The following AP1M2 variants were observed in gnomAD, a reference collection of about 807,000 sequenced individuals.
AP1M2 encodes AP-1 complex subunit mu-2.
In AP1M2, 41 loss-of-function variants were observed where a neutral mutation model predicts 54.6. The observed-to-expected ratio is 0.75, with a 90% CI of 0.59 to 0.97. The LOEUF is 0.97. AP1M2 is among the 50% of genes least tolerant of loss of function. The pLI is 0.00. For missense variants in AP1M2, 507 were observed against 561.2 expected (o/e 0.90, Z 0.98); for synonymous variants, 219 against 215.9 (o/e 1.01, Z -0.13).
Position 10,587,264 on chromosome 19 carries a change from G to C in AP1M2, c.-33C>G. On this transcript the variant is annotated 5_prime_UTR_variant, in exon 1 of 12. Coordinates refer to ENST00000250244, the MANE Select transcript of AP1M2 (RefSeq NM_005498.5). The stretch of plus-strand genomic sequence containing the variant: ...GCCGAAGGACTTAGGAGTCGGGGAG[G>C]GAGCGCCGGGAGGCGATGGCGGCGC... 1 of 1,557,248 alleles carries C rather than the reference G, an allele frequency of 6.4e-7. No individual in the cohort carries two copies. Among genetic ancestry groups the C allele is most frequent in the Non-Finnish European group, 8.7e-7 (1 of 1,150,610 alleles).
chr19:10,577,382 C>T (rs944904084), intron 8 of AP1M2, 26 bp from the exon 9 acceptor site: 2 of 1,477,024 alleles, frequency 1.4e-6, no homozygotes, highest in South Asian at 1.2e-5. Flanking sequence ...GCATGGGGCA[C>T]GAAGAATTCG....
At chr19:10,584,654 GGGAAGGAA>G (rs199907734) in intron 1 of AP1M2, among the ~76,000 whole-genome samples, 2 of 139,492 alleles carry the variant, frequency 1.4e-5, no homozygotes, top group Admixed American at 1.7e-4. Context: ...GAGGGTAGGA[GGGAAGGAA>G]GGAAGGAAGG....
Position 10,587,282 on chromosome 19 carries a change from G to A in AP1M2, c.-51C>T. The A allele has an allele frequency of 6.4e-7, 1 of 1,550,476 alleles. No individual in the cohort carries two copies. The highest frequency in any genetic ancestry group is 8.7e-7 in the Non-Finnish European group (1 of 1,145,600). ...CGGGGAGGGAGCGCCGGGAGGCGAT[G>A]GCGGCGCCGCTTCCTTCTTCCTGCG... On this transcript the variant is annotated 5_prime_UTR_variant, in exon 1 of 12. Transcript: ENST00000250244.
chr19:10,580,832 G>A (rs1404312193), intron 6 of AP1M2, among the ~76,000 whole-genome samples: 2 of 151,584 alleles, frequency 1.3e-5, no homozygotes, highest in African/African-American at 4.8e-5. Context: ...GTCCATGCCT[G>A]TAGTCCCAGC....
intron 1 of AP1M2, among the ~76,000 whole-genome samples, chr19:10,586,627 C>T (rs955492112): frequency 2.0e-5 from 3 of 151,604 alleles, no homozygotes; most frequent in Admixed American, 6.6e-5. Flanking sequence ...ACAGCTACTC[C>T]GGAGACTGAG....
chr19:10,586,684 T>C (rs112423039), intron 1 of AP1M2, among the ~76,000 whole-genome samples: 9,802 of 151,540 alleles, frequency 0.065, 339 homozygotes, highest in Middle Eastern at 0.12. Context: ...CAGTGAGCTA[T>C]GATCGCACCA....
intron 8 of AP1M2, among the ~76,000 whole-genome samples, chr19:10,578,165 C>T (rs1385758568): frequency 6.6e-6 from 1 of 152,170 alleles, no homozygotes; most frequent in Non-Finnish European, 1.5e-5. Flanking sequence ...TATCTGCAGG[C>T]AAATGCCTTA....
chr19:10,576,859 A>T (rs1176555086), intron 9 of AP1M2, among the ~76,000 whole-genome samples: 3 of 151,954 alleles, frequency 2.0e-5, no homozygotes, highest in Admixed American at 6.6e-5. Flanking sequence ...GGCATGCGCC[A>T]CCACACCCAG....
chr19:10,585,269 A>AAAG (rs1917597646), intron 1 of AP1M2, among the ~76,000 whole-genome samples: 2 of 104,272 alleles, frequency 1.9e-5, no homozygotes, highest in Non-Finnish European at 4.0e-5. Flanking sequence ...AGAAGGAAAG[A>AAAG]AAGAAAGAAG....
rs910378573 is a variant in AP1M2, at chr19:10,581,898, G to C, written c.268-20C>G. 1 of 1,569,076 alleles carries C rather than the reference G, an allele frequency of 6.4e-7. No individual in the cohort carries two copies. The highest frequency in any genetic ancestry group is 8.6e-7 in the Non-Finnish European group (1 of 1,156,582). ...GAATACCTGGGGGTTGGAGGAGAGA[G>C]AGACCCACAAAAGTGTGGCTATGGG... On this transcript the variant is annotated intron_variant, in intron 3 of 11. Transcript: ENST00000250244.
At position 10,587,251 on chromosome 19, in the gene AP1M2, A is replaced by T. The variant is rs777508421; in HGVS notation, c.-20T>A. The stretch of plus-strand genomic sequence containing the variant: ...GGACATGGTGGCGGCCGAAGGACTT[A>T]GGAGTCGGGGAGGGAGCGCCGGGAG... On this transcript the variant is annotated 5_prime_UTR_variant, in exon 1 of 12. Transcript: ENST00000250244. The T allele has an allele frequency of 3.9e-5, 61 of 1,561,438 alleles. No individual in the cohort carries two copies. The South Asian group carries it at 7.1e-4, about 18-fold the overall frequency.
intron 2 of AP1M2, 94 bp from the exon 3 acceptor site, chr19:10,583,767 C>A: frequency 6.7e-7 from 1 of 1,492,046 alleles, no homozygotes; most frequent in South Asian, 1.2e-5. Context: ...CCACCACCCT[C>A]ATCTCTACCT....
intron 10 of AP1M2, 53 bp downstream of exon 10, chr19:10,574,851 G>T: frequency 6.4e-7 from 1 of 1,557,118 alleles, no homozygotes. Context: ...GGACAGGAGA[G>T]AGGGGAACCC....
intron 1 of AP1M2, among the ~76,000 whole-genome samples, chr19:10,586,673 G>T (rs756346606): frequency 1.3e-5 from 2 of 152,002 alleles, no homozygotes; most frequent in African/African-American, 4.8e-5. Context: ...ATTCCAGGCT[G>T]CAGTGAGCTA....
At chr19:10,575,415 G>A (rs1917198612) in intron 9 of AP1M2, among the ~76,000 whole-genome samples, 1 of 152,000 alleles carries the variant, frequency 6.6e-6, no homozygotes, top group African/African-American at 2.4e-5. Flanking sequence ...CTGTTTTACA[G>A]GCACTGATGA....
At chr19:10,585,286 A>AGAAGGAAGGAAG (rs1917605453) in intron 1 of AP1M2, among the ~76,000 whole-genome samples, 1 of 58,092 alleles carries the variant, frequency 1.7e-5, no homozygotes, top group Non-Finnish European at 4.0e-5. Context: ...GAAGAAAAAA[A>AGAAGGAAGGAAG]GAAAGAAAGA....
chr19:10,579,973 A>G, intron 6 of AP1M2, 115 bp from the exon 7 acceptor site: 1 of 1,043,274 alleles, frequency 9.6e-7, no homozygotes. Context: ...ACTGGGGCCC[A>G]GAGAGAATGA....
intron 3 of AP1M2, 72 bp downstream of exon 3, chr19:10,583,534 T>C: frequency 4.0e-6 from 5 of 1,235,416 alleles, no homozygotes; most frequent in Non-Finnish European, 5.7e-6. Context: ...GAAAAGGATC[T>C]TGAATCTTGA....
At chr19:10,583,879 C>A (rs996302533) in intron 2 of AP1M2, 35 bp downstream of exon 2, 10 of 1,570,316 alleles carry the variant, frequency 6.4e-6, no homozygotes, top group African/African-American at 2.7e-5. Context: ...ACAGCCCCCA[C>A]ACCCACCTCC....
Sources: gnomAD v4.1 joint callset for allele counts (sites outside exome capture counted in the v4.1 genomes callset) on GRCh38, gnomAD v4.1.1 for gene constraint, MANE v1.5 for transcripts, NCBI Gene and HGNC (gene_info 2026-07-23, HGNC 2026-07-21) for gene names.